Variants in DOCK3 observed in about 807,000 individuals in gnomAD.
The protein encoded by DOCK3 is dedicator of cytokinesis 3, also known as dedicator of cytokinesis protein 3.
A neutral mutation model predicts 265.6 loss-of-function variants in DOCK3; 60 were observed. That is an observed-to-expected ratio of 0.23 (90% CI 0.18 to 0.28). The LOEUF (loss-of-function observed/expected upper bound fraction) is 0.28, where lower values mean the gene tolerates loss of function less well. Ranked by LOEUF, DOCK3 falls within the 10% of genes least tolerant of loss-of-function variation. The probability of loss-of-function intolerance (pLI) is 1.00; values close to 1 mark genes in which losing one functional copy is unlikely to be tolerated. For missense variants in DOCK3, 1,981 were observed against 2,594.3 expected, an observed-to-expected ratio of 0.76 and a Z score of 5.14; for synonymous variants, 881 against 938.0, an observed-to-expected ratio of 0.94 and a Z score of 1.11.
At chr3:51,295,150 G>C (rs1457103914) in intron 27 of DOCK3, among the ~76,000 whole-genome samples, 1 of 152,208 alleles carries the variant, frequency 6.6e-6, no homozygotes, top group Non-Finnish European at 1.5e-5. Flanking sequence ...GAATACCTGA[G>C]GCTGATTAGT....
At chr3:50,870,643 T>G (rs2107580289) in intron 3 of DOCK3, among the ~76,000 whole-genome samples, 1 of 152,240 alleles carries the variant, frequency 6.6e-6, no homozygotes, top group Middle Eastern at 3.4e-3. Context: ...TTATTCCTGT[T>G]CTTTTGTTAT....
Position 51,000,445 on chromosome 3 carries a change from A to G in DOCK3, c.316-64003A>G, listed in dbSNP as rs377480079. On this transcript the variant is annotated intron_variant, in intron 5 of 52. Transcript: ENST00000266037. The stretch of plus-strand genomic sequence containing the variant: ...GAACACAGCTTGCTGCCTGACTGCT[A>G]CCACTGCTTTAAGACTGTTGCCTTG... Among the ~76,000 whole-genome samples the G allele has an allele frequency of 8.5e-5, 13 of 152,332 alleles. No individual in the cohort carries two copies. In the East Asian group the frequency reaches 2.1e-3, roughly 25 times the overall value.
At chr3:51,013,580 G>T (rs983710947) in intron 5 of DOCK3, among the ~76,000 whole-genome samples, 1 of 152,204 alleles carries the variant, frequency 6.6e-6, no homozygotes, top group Non-Finnish European at 1.5e-5. Flanking sequence ...TGAAGTGTCA[G>T]TCAGCCCCTA....
At chr3:50,742,949 C>T (rs1275741931) in intron 1 of DOCK3, among the ~76,000 whole-genome samples, 3 of 151,888 alleles carry the variant, frequency 2.0e-5, no homozygotes, top group African/African-American at 7.3e-5. Context: ...CCAGAAAGGT[C>T]GGGTTACCCA....
intron 5 of DOCK3, among the ~76,000 whole-genome samples, chr3:50,969,154 C>T (rs1467290428): frequency 2.0e-5 from 3 of 152,112 alleles, no homozygotes; most frequent in African/African-American, 7.2e-5. Flanking sequence ...AATCAAGGTG[C>T]TCTGGTTTTG....
Position 51,381,643 on chromosome 3 carries a change from A to AC in DOCK3, c.*88dup, listed in dbSNP as rs1559446017. The AC allele has an allele frequency of 7.0e-7, 1 of 1,429,460 alleles. No homozygotes were observed. Among genetic ancestry groups the AC allele is most frequent in the Non-Finnish European group, 9.1e-7 (1 of 1,095,438 alleles). 88.5% of individuals were successfully genotyped at this position (1,429,460 alleles called of 1,614,324 possible). ...TCTGAAAAGCAAGTCCCCCAGCCCC[A>AC]CCCCAGGGAGCCAGAGAGGCTTGCA... On this transcript the variant is annotated 3_prime_UTR_variant, in exon 53 of 53. Transcript: ENST00000266037. This position sits in a 1 kb window ranked among gnomAD's most constrained non-coding sequence, Gnocchi z 5.6.
At chr3:51,194,155 G>A (rs2088126443) in intron 12 of DOCK3, among the ~76,000 whole-genome samples, 1 of 151,846 alleles carries the variant, frequency 6.6e-6, no homozygotes, top group African/African-American at 2.4e-5. Context: ...AATGTCCTTG[G>A]TGACCCAATG....
chr3:50,812,177 G>A (rs1308226787), intron 2 of DOCK3, among the ~76,000 whole-genome samples: 2 of 152,172 alleles, frequency 1.3e-5, no homozygotes, highest in East Asian at 1.9e-4. Context: ...AGATTCATAG[G>A]TGTGGCTCTC....
chr3:51,089,238 C>A lies in DOCK3; in HGVS notation c.550-5C>A. The A allele has an allele frequency of 6.2e-7, 1 of 1,605,676 alleles. No individual in the cohort carries two copies. Among genetic ancestry groups the A allele is most frequent in the African/African-American group, 1.3e-5 (1 of 74,922 alleles). On this transcript the variant is annotated splice_region_variant and splice_polypyrimidine_tract_variant and intron_variant, in intron 7 of 52. Coordinates refer to ENST00000266037, the MANE Select transcript of DOCK3 (RefSeq NM_004947.5). ...GAGTTTATTTTTCTTTCCTTCTTTC[C>A]ATAGCATTTATCTAGCCGGCAGAGT...
intron 32 of DOCK3, among the ~76,000 whole-genome samples, chr3:51,327,829 G>T (rs2084247640): frequency 1.3e-5 from 2 of 152,020 alleles, no homozygotes; most frequent in African/African-American, 4.8e-5. Flanking sequence ...ATAGGCAGGT[G>T]CTACCACGCC....
intron 1 of DOCK3, among the ~76,000 whole-genome samples, chr3:50,700,324 A>G (rs567204660): frequency 6.6e-6 from 1 of 152,356 alleles, no homozygotes; most frequent in Non-Finnish European, 1.5e-5. Context: ...TCTGAAATAT[A>G]CAATAAGTTG....
chr3:51,233,346 C>T (rs779430908), intron 19 of DOCK3, among the ~76,000 whole-genome samples: 28,878 of 81,676 alleles, frequency 0.35, 3,033 homozygotes, highest in South Asian at 0.51. Context: ...ATCTATCTAT[C>T]TATCTATCTA....
At chr3:50,751,581 A>G (rs1228865994) in intron 1 of DOCK3, among the ~76,000 whole-genome samples, 1 of 152,218 alleles carries the variant, frequency 6.6e-6, no homozygotes, top group African/African-American at 2.4e-5. Flanking sequence ...TAGTCTTCCC[A>G]TCTGATCTTA....
chr3:50,956,172 T>G (rs2108350788), intron 5 of DOCK3, among the ~76,000 whole-genome samples: 1 of 152,298 alleles, frequency 6.6e-6, no homozygotes, highest in East Asian at 1.9e-4. Context: ...ATATATCAAG[T>G]CTATCTGAAC....
At chr3:50,822,597 A>C (rs1195253966) in intron 2 of DOCK3, among the ~76,000 whole-genome samples, 1 of 152,140 alleles carries the variant, frequency 6.6e-6, no homozygotes, top group Non-Finnish European at 1.5e-5. Context: ...TCTGGGCTCA[A>C]ATGATCCTCC....
chr3:50,845,514 T>C (rs533557480), intron 3 of DOCK3, among the ~76,000 whole-genome samples: 1 of 152,300 alleles, frequency 6.6e-6, no homozygotes, highest in South Asian at 2.1e-4. Flanking sequence ...GTAAATATTT[T>C]AAGCTGGGTA....
At chr3:51,255,821 C>T (rs1290731016) in intron 22 of DOCK3, among the ~76,000 whole-genome samples, 4 of 152,236 alleles carry the variant, frequency 2.6e-5, no homozygotes, top group Non-Finnish European at 5.9e-5. Context: ...CCTCCTTTAG[C>T]TCGGAGAAGT....
At chr3:51,061,850 A>C (rs1438566390) in intron 5 of DOCK3, among the ~76,000 whole-genome samples, 2 of 152,138 alleles carry the variant, frequency 1.3e-5, no homozygotes, top group African/African-American at 4.8e-5. Flanking sequence ...CTAACCTCTG[A>C]ATGTTGGAAA....
At chr3:50,941,938 T>TG (rs1427511618) in intron 5 of DOCK3, among the ~76,000 whole-genome samples, 1 of 151,754 alleles carries the variant, frequency 6.6e-6, no homozygotes, top group Non-Finnish European at 1.5e-5. Context: ...TATGAGAGAG[T>TG]GTCTTTATGG....
Sources: gnomAD v4.1 joint callset for allele counts (sites outside exome capture counted in the v4.1 genomes callset) on GRCh38, gnomAD v4.1.1 for gene constraint, Gnocchi (gnomAD v3.1) non-coding constraint, MANE v1.5 for transcripts, NCBI Gene and HGNC (gene_info 2026-07-23, HGNC 2026-07-21) for gene names.